The following CDKAL1 variants were observed in gnomAD, a reference collection of about 807,000 sequenced individuals.
CDKAL1 encodes CDKAL1 threonylcarbamoyladenosine tRNA methylthiotransferase, also known as threonylcarbamoyladenosine tRNA methylthiotransferase.
A neutral mutation model predicts 68.2 loss-of-function variants in CDKAL1; 32 were observed. The ratio of observed to expected loss-of-function variants is 0.47; its 90% CI spans 0.35 to 0.63. The LOEUF is 0.63. Ranked by LOEUF, CDKAL1 falls within the 30% of genes least tolerant of loss-of-function variation. The probability of loss-of-function intolerance (pLI) is 0.00; values close to 1 mark genes in which losing one functional copy is unlikely to be tolerated. For missense variants in CDKAL1, 606 were observed against 696.7 expected (o/e 0.87, Z 1.47); for synonymous variants, 234 against 244.3 (o/e 0.96, Z 0.39).
chr6:20,863,333 T>C (rs1216403739), intron 9 of CDKAL1, among the ~76,000 whole-genome samples: 1 of 152,232 alleles, frequency 6.6e-6, no homozygotes, highest in Non-Finnish European at 1.5e-5. Context: ...TAATTTTTTC[T>C]TCATACATCA....
At chr6:20,800,673 A>G (rs1473898270) in intron 8 of CDKAL1, 3 of 152,240 alleles carry the variant, frequency 2.0e-5, no homozygotes, top group Non-Finnish European at 4.4e-5. Context: ...CCCATGCTGG[A>G]GTGCAGTGAC....
At chr6:21,120,212 C>G (rs530769977) in intron 13 of CDKAL1, among the ~76,000 whole-genome samples, 1 of 152,180 alleles carries the variant, frequency 6.6e-6, no homozygotes, top group Non-Finnish European at 1.5e-5. Context: ...GCAGGGGCCC[C>G]GTCTCCCCGA....
At chr6:20,665,887 A>G (rs1481796127) in intron 5 of CDKAL1, among the ~76,000 whole-genome samples, 2 of 152,080 alleles carry the variant, frequency 1.3e-5, no homozygotes, top group African/African-American at 2.4e-5. Context: ...TCTGTACAGC[A>G]TAGATCTGTG....
At chr6:20,807,805 A>G (rs903497821) in intron 8 of CDKAL1, among the ~76,000 whole-genome samples, 16 of 152,334 alleles carry the variant, frequency 1.1e-4, no homozygotes, top group African/African-American at 3.1e-4. Flanking sequence ...TTGCCTTCCA[A>G]ATTTGCAGCA....
At chr6:20,942,690 C>T (rs1312783118) in intron 9 of CDKAL1, among the ~76,000 whole-genome samples, 1 of 147,916 alleles carries the variant, frequency 6.8e-6, no homozygotes, top group African/African-American at 2.5e-5. Flanking sequence ...TTAATGGTGG[C>T]TCATGCCTGT....
chr6:20,697,583 G>A (rs1771160850), intron 5 of CDKAL1, among the ~76,000 whole-genome samples: 1 of 152,130 alleles, frequency 6.6e-6, no homozygotes. Flanking sequence ...TCTGATAAAA[G>A]CCATATACAT....
At chr6:20,948,813 A>G (rs536454583) in intron 9 of CDKAL1, among the ~76,000 whole-genome samples, 56 of 152,324 alleles carry the variant, frequency 3.7e-4, no homozygotes, top group African/African-American at 1.3e-3. Flanking sequence ...AATCTGCTTC[A>G]TTGAGGCTTA....
intron 2 of CDKAL1, among the ~76,000 whole-genome samples, chr6:20,537,718 T>G (rs1053122050): frequency 6.6e-6 from 1 of 152,190 alleles, no homozygotes; most frequent in Non-Finnish European, 1.5e-5. Flanking sequence ...TATTTTCCTT[T>G]TCACTGACTC....
chr6:20,988,182 A>ATGTGTGTGTGTGTGTGTGTGTGTG (rs58720900), intron 10 of CDKAL1, among the ~76,000 whole-genome samples: 2 of 137,386 alleles, frequency 1.5e-5, no homozygotes, highest in Non-Finnish European at 3.1e-5. Context: ...GAAACATAAT[A>ATGTGTGTGTGTGTGTGTGTGTGTG]TGTGTGTGTG....
chr6:20,740,238 T>C (rs916311531), intron 6 of CDKAL1, among the ~76,000 whole-genome samples: 1 of 152,216 alleles, frequency 6.6e-6, no homozygotes, highest in Non-Finnish European at 1.5e-5. Flanking sequence ...TTTCCTGTGA[T>C]ACCTGGCACA....
At chr6:20,735,501 G>A (rs1773150683) in intron 5 of CDKAL1, among the ~76,000 whole-genome samples, 1 of 152,034 alleles carries the variant, frequency 6.6e-6, no homozygotes, top group Non-Finnish European at 1.5e-5. Context: ...CGACTCCTAT[G>A]ATTCAGTTAC....
intron 12 of CDKAL1, among the ~76,000 whole-genome samples, chr6:21,066,413 G>T (rs1771441544): frequency 6.6e-6 from 1 of 152,008 alleles, no homozygotes; most frequent in Admixed American, 6.5e-5. Context: ...AACATAAAAA[G>T]ATGCCAAATT....
intron 4 of CDKAL1, among the ~76,000 whole-genome samples, chr6:20,610,148 A>G (rs1164691957): frequency 6.6e-6 from 1 of 152,160 alleles, no homozygotes; most frequent in Non-Finnish European, 1.5e-5. Context: ...CATGGTGTGT[A>G]TATACCACAT....
At position 21,201,137 on chromosome 6, in the gene CDKAL1, A is replaced by T. The variant is rs770484425; in HGVS notation, c.1411A>T (p.Met471Leu). ...TTTAGTGCCAAAGAACCCTGCGTTC[A>T]TGGGGAAGATGGTTGAAGTGGACAT... ...QVLVPKNPAF[M>L]GKMVEVDIYE... Residue 471 changes from methionine to leucine, a missense_variant, in exon 15 of 16, where the codon ATG (methionine) becomes TTG (leucine). By Grantham distance (15) the Met-to-Leu change is conservative. Coordinates refer to ENST00000274695, the MANE Select transcript of CDKAL1 (RefSeq NM_017774.3). 1 of 1,613,516 alleles carries T rather than the reference A, an allele frequency of 6.2e-7. No individual in the cohort carries two copies. Among genetic ancestry groups the T allele is most frequent in the South Asian group, 1.1e-5 (1 of 90,974 alleles).
At chr6:20,896,832 TAAATC>T (rs1761713606) in intron 9 of CDKAL1, among the ~76,000 whole-genome samples, 1 of 152,072 alleles carries the variant, frequency 6.6e-6, no homozygotes. Context: ...TTTCTCAAAA[TAAATC>T]TGTCTTCTCA....
At chr6:20,663,644 G>T (rs572672279) in intron 5 of CDKAL1, among the ~76,000 whole-genome samples, 1 of 152,116 alleles carries the variant, frequency 6.6e-6, no homozygotes, top group South Asian at 2.1e-4. Flanking sequence ...CTGCTCTTAA[G>T]ACCTGCAATG....
intron 9 of CDKAL1, among the ~76,000 whole-genome samples, chr6:20,919,048 C>G (rs1762838675): frequency 6.6e-6 from 1 of 152,112 alleles, no homozygotes; most frequent in African/African-American, 2.4e-5. Context: ...GAGAACTCAG[C>G]AAAAACTAAT....
chr6:20,585,507 G>C (rs1007070073), intron 4 of CDKAL1, among the ~76,000 whole-genome samples: 3 of 152,136 alleles, frequency 2.0e-5, no homozygotes, highest in Non-Finnish European at 1.5e-5. Flanking sequence ...ACTCTACGGA[G>C]GCCCTTTTAC....
At chr6:20,826,631 A>C (rs965752733) in intron 8 of CDKAL1, among the ~76,000 whole-genome samples, 1 of 152,144 alleles carries the variant, frequency 6.6e-6, no homozygotes, top group Admixed American at 6.6e-5. Context: ...TGCGAGATGC[A>C]TGTGAGTCAT....
Sources: gnomAD v4.1 joint callset for allele counts (sites outside exome capture counted in the v4.1 genomes callset) on GRCh38, gnomAD v4.1.1 for gene constraint, MANE v1.5 for transcripts, NCBI Gene and HGNC (gene_info 2026-07-23, HGNC 2026-07-21) for gene names.